Variants in TAFA1 observed in about 807,000 individuals in gnomAD.
TAFA1 encodes the protein TAFA chemokine like family member 1, also known as chemokine-like protein TAFA-1.
Under a neutral mutation model 18.5 loss-of-function variants are expected in TAFA1, and 4 were observed. That is an observed-to-expected ratio of 0.22 (90% confidence interval 0.11 to 0.49). TAFA1 has a LOEUF of 0.49. TAFA1 is among the 20% of genes least tolerant of loss of function. TAFA1 has a pLI of 0.98. For synonymous variants in TAFA1, 56 were observed against 55.2 expected, an observed-to-expected ratio of 1.01 and a Z score of -0.06; for missense variants, 147 against 169.0, an observed-to-expected ratio of 0.87 and a Z score of 0.72.
At chr3:68,037,813 C>T (rs937383243) in intron 2 of TAFA1, among the ~76,000 whole-genome samples, 12 of 152,268 alleles carry the variant, frequency 7.9e-5, no homozygotes, top group African/African-American at 2.9e-4. Context: ...TAAGCAAATC[C>T]TTTTAAAGCA....
intron 2 of TAFA1, among the ~76,000 whole-genome samples, chr3:68,260,473 C>T (rs908547456): frequency 1.3e-5 from 2 of 152,036 alleles, no homozygotes; most frequent in Non-Finnish European, 2.9e-5. Context: ...AGGGAGGATT[C>T]CCTCTTTTTC....
intron 2 of TAFA1, among the ~76,000 whole-genome samples, chr3:68,079,337 G>A (rs559724906): frequency 1.3e-5 from 2 of 151,912 alleles, no homozygotes; most frequent in South Asian, 2.1e-4. Flanking sequence ...ATTTTAGTTA[G>A]TTCTTGCCTT....
chr3:68,420,479 C>G (rs2070933384), intron 3 of TAFA1, among the ~76,000 whole-genome samples: 1 of 152,148 alleles, frequency 6.6e-6, no homozygotes, highest in Non-Finnish European at 1.5e-5. Context: ...CCAGGCCTAC[C>G]AAGGTGCTAG....
chr3:68,102,132 T>C (rs944213555), intron 2 of TAFA1, among the ~76,000 whole-genome samples: 1 of 152,192 alleles, frequency 6.6e-6, no homozygotes, highest in African/African-American at 2.4e-5. Flanking sequence ...GAAGTTATTA[T>C]GCCTTTAGAT....
intron 2 of TAFA1, among the ~76,000 whole-genome samples, chr3:68,210,080 A>C (rs2107064321): frequency 6.6e-6 from 1 of 152,068 alleles, no homozygotes; most frequent in African/African-American, 2.4e-5. Flanking sequence ...AAAAGGAGAA[A>C]ATAATTGGAA....
Position 68,321,020 on chromosome 3 carries a change from T to C in TAFA1, c.119-96260T>C, listed in dbSNP as rs2068690648. Among the ~76,000 whole-genome samples the C allele has an allele frequency of 2.6e-5, 4 of 152,168 alleles. No homozygotes were observed. In the South Asian group the frequency reaches 8.3e-4, roughly 32 times the overall value. On this transcript the variant is annotated intron_variant, in intron 2 of 4. Transcript: ENST00000478136. ...TATACATTGGGGGCCACACAGACTA[T>C]ATTACAGAATGGGCTTCAAGGCTGG...
chr3:68,531,239 C>T (rs2073184552), intron 3 of TAFA1, among the ~76,000 whole-genome samples: 1 of 152,076 alleles, frequency 6.6e-6, no homozygotes, highest in African/African-American at 2.4e-5. Flanking sequence ...CTGCAGCAGC[C>T]TCAGATTCTG....
At chr3:68,188,000 A>G (rs2066290938) in intron 2 of TAFA1, among the ~76,000 whole-genome samples, 1 of 151,754 alleles carries the variant, frequency 6.6e-6, no homozygotes, top group South Asian at 2.1e-4. Flanking sequence ...CTATTTTTCT[A>G]TTGGGTTGTC....
At chr3:68,482,135 T>C (rs2072249838) in intron 3 of TAFA1, among the ~76,000 whole-genome samples, 1 of 152,218 alleles carries the variant, frequency 6.6e-6, no homozygotes, top group Non-Finnish European at 1.5e-5. Context: ...CTCAGCCTCC[T>C]GAGTAGCTGG....
intron 3 of TAFA1, among the ~76,000 whole-genome samples, chr3:68,510,540 T>C (rs781470281): frequency 2.0e-5 from 3 of 152,146 alleles, no homozygotes; most frequent in Non-Finnish European, 4.4e-5. Flanking sequence ...CCCAGTTGCA[T>C]GTTTTGGGGC....
At chr3:68,184,434 A>G (rs1261870995) in intron 2 of TAFA1, among the ~76,000 whole-genome samples, 1 of 152,142 alleles carries the variant, frequency 6.6e-6, no homozygotes, top group African/African-American at 2.4e-5. Flanking sequence ...CATATTTTCT[A>G]CATTTATGAT....
intron 3 of TAFA1, among the ~76,000 whole-genome samples, chr3:68,470,143 A>C (rs889833586): frequency 2.6e-5 from 4 of 152,180 alleles, no homozygotes; most frequent in Admixed American, 6.5e-5. Context: ...CATAAAGGGA[A>C]GTTTTCCTGC....
At chr3:68,349,493 A>C (rs1559628485) in intron 2 of TAFA1, among the ~76,000 whole-genome samples, 1 of 152,076 alleles carries the variant, frequency 6.6e-6, no homozygotes, top group African/African-American at 2.4e-5. Flanking sequence ...ACAGATGTTT[A>C]GTTCTTCAGC....
At chr3:68,252,940 G>A (rs1026275384) in intron 2 of TAFA1, among the ~76,000 whole-genome samples, 1 of 152,110 alleles carries the variant, frequency 6.6e-6, no homozygotes. Flanking sequence ...TAAAGGCGAA[G>A]ATCCCCTGCA....
chr3:68,521,629 A>G (rs2073022460), intron 3 of TAFA1, among the ~76,000 whole-genome samples: 1 of 152,202 alleles, frequency 6.6e-6, no homozygotes, highest in African/African-American at 2.4e-5. Context: ...GTATCAAAGT[A>G]TACCTTAGAG....
At position 68,271,201 on chromosome 3, in the gene TAFA1, A is replaced by C. The variant is rs765743559; in HGVS notation, c.119-146079A>C. ...TTTTAAATTCAGAAAACATCTCTTCATGAGGGTGCAAGGATGACCATTAGC... is the reference window on the plus strand; with the variant it reads ...TTTTAAATTCAGAAAACATCTCTTCCTGAGGGTGCAAGGATGACCATTAGC... On this transcript the variant is annotated intron_variant, in intron 2 of 4. Transcript: ENST00000478136. Among the ~76,000 whole-genome samples the C allele has an allele frequency of 3.9e-5, 6 of 152,052 alleles. No individual in the cohort carries two copies. In the East Asian group the frequency reaches 1.2e-3, roughly 30 times the overall value.
chr3:68,060,413 C>T (rs2064587842), intron 2 of TAFA1, among the ~76,000 whole-genome samples: 1 of 152,140 alleles, frequency 6.6e-6, no homozygotes. Context: ...CTGACTGATG[C>T]AACTTCAAGT....
At chr3:68,405,457 A>G (rs1347952759) in intron 2 of TAFA1, among the ~76,000 whole-genome samples, 1 of 150,516 alleles carries the variant, frequency 6.6e-6, no homozygotes, top group Non-Finnish European at 1.5e-5. Flanking sequence ...GCTTGAACCT[A>G]GGAGATCGAG....
intron 3 of TAFA1, among the ~76,000 whole-genome samples, chr3:68,437,499 C>T (rs1013762207): frequency 6.6e-6 from 1 of 152,058 alleles, no homozygotes; most frequent in Non-Finnish European, 1.5e-5. Context: ...CTCGTAAGGG[C>T]CTTCTTCCTA....
Sources: allele counts gnomAD v4.1 joint callset (sites outside exome capture counted in the v4.1 genomes callset), GRCh38; gene constraint gnomAD v4.1.1; transcripts MANE v1.5; gene names NCBI Gene and HGNC (gene_info 2026-07-23, HGNC 2026-07-21).